CRYBG3: variants seen among roughly 807,000 people sequenced by gnomAD.
The protein encoded by CRYBG3 is very large A-kinase anchor protein.
Under a neutral mutation model 244.2 loss-of-function variants are expected in CRYBG3, and 127 were observed. The observed-to-expected ratio is 0.52, with a 90% CI of 0.45 to 0.60. The LOEUF is 0.60. Among genes scored for constraint, CRYBG3 ranks in the 20% least tolerant of loss-of-function variants. CRYBG3 has a pLI of 0.00. For synonymous variants in CRYBG3, 1,132 were observed against 1,195.8 expected (o/e 0.95, Z 1.10); for missense variants, 3,325 against 3,442.5 (o/e 0.97, Z 0.85).
At chr3:97,863,565 T>C (rs1253396435) in intron 2 of CRYBG3, among the ~76,000 whole-genome samples, 2 of 152,096 alleles carry the variant, frequency 1.3e-5, no homozygotes, top group Non-Finnish European at 2.9e-5. Context: ...AGTACCATGT[T>C]ACTGTCTTTT....
chr3:97,890,826 G>A (rs1394259914), intron 10 of CRYBG3, among the ~76,000 whole-genome samples: 1 of 152,092 alleles, frequency 6.6e-6, no homozygotes, highest in Non-Finnish European at 1.5e-5. Context: ...GTGGATAAAT[G>A]CTGTTATCAC....
At chr3:97,826,409 T>G (rs565089373) in intron 1 of CRYBG3, among the ~76,000 whole-genome samples, 1 of 152,280 alleles carries the variant, frequency 6.6e-6, no homozygotes, top group East Asian at 1.9e-4. Flanking sequence ...CATTTTTAAG[T>G]TTTTTTACTC....
At position 97,822,156 on chromosome 3, in the gene CRYBG3, C is replaced by T; in HGVS notation, c.-51C>T. The T allele has an allele frequency of 3.4e-6, 5 of 1,452,932 alleles. No homozygotes were observed. Among genetic ancestry groups the T allele is most frequent in the Non-Finnish European group, 4.5e-6 (5 of 1,105,586 alleles). 90.0% of individuals were successfully genotyped at this position (1,452,932 alleles called of 1,614,324 possible). A position where few individuals can be genotyped will look rare whatever the true frequency, so the allele number is the denominator to read the frequency against. ...CGGTCGGGCTCCGGGCACCAGGCAA[C>T]ACCTAGGCCGTTCCCTTCAGACAGC... is the stretch of plus-strand genomic sequence containing the variant. On this transcript the variant is annotated 5_prime_UTR_variant, in exon 1 of 22. Coordinates refer to ENST00000389622, the MANE Select transcript of CRYBG3 (RefSeq NM_153605.4).
chr3:97,880,985 T>A, intron 6 of CRYBG3, 87 bp from the exon 7 acceptor site: 1 of 1,100,536 alleles, frequency 9.1e-7, no homozygotes, highest in Non-Finnish European at 1.2e-6. Context: ...GCTTAAAAAA[T>A]TTAAGTAGAC....
chr3:97,873,639 A>G lies in CRYBG3; in HGVS notation c.2445A>G (p.Lys815=). Residue 815 remains lysine, a synonymous_variant, in exon 4 of 22, where the codon AAA becomes AAG. Coordinates refer to ENST00000389622, the MANE Select transcript of CRYBG3 (RefSeq NM_153605.4). ...LEAKTANIVS[K]AEIDGQNNVL... ...CCAAAACTGCTAACATTGTATCAAAAGCTGAAATTGATGGTCAGAACAATG... is the reference window on the plus strand; with the variant it reads ...CCAAAACTGCTAACATTGTATCAAAGGCTGAAATTGATGGTCAGAACAATG... 6.5e-7 allele frequency: 1 copy of G among 1,534,710 alleles called. No individual in the cohort carries two copies. Among genetic ancestry groups the G allele is most frequent in the Non-Finnish European group, 8.7e-7 (1 of 1,146,358 alleles).
At chr3:97,901,574 T>C (rs1208651224) in intron 15 of CRYBG3, among the ~76,000 whole-genome samples, 2 of 152,226 alleles carry the variant, frequency 1.3e-5, no homozygotes, top group African/African-American at 4.8e-5. Context: ...TCCTGCCAGA[T>C]TTTTATGTTG....
At chr3:97,870,828 A>C (rs1289030737) in intron 3 of CRYBG3, among the ~76,000 whole-genome samples, 1 of 152,226 alleles carries the variant, frequency 6.6e-6, no homozygotes, top group Non-Finnish European at 1.5e-5. Flanking sequence ...ATTAGGACAC[A>C]GTACCTTCCC....
chr3:97,875,021 A>C lies in CRYBG3; in HGVS notation c.3827A>C (p.Lys1276Thr). ...GMENMSEVKEKPCVSPTVGEK... is the reference protein window; with the variant it reads ...GMENMSEVKETPCVSPTVGEK... ...GAAAACATGTCAGAAGTCAAAGAGAAGCCCTGTGTTTCACCAACAGTTGGT... is the reference window on the plus strand; with the variant it reads ...GAAAACATGTCAGAAGTCAAAGAGACGCCCTGTGTTTCACCAACAGTTGGT... Residue 1276 changes from lysine to threonine, a missense_variant, in exon 4 of 22, where the codon AAG becomes ACG. Physicochemically the swap from Lys to Thr is moderately conservative, Grantham distance 78 (BLOSUM62 -1). Around this residue, in one of 4 missense-constraint regions of CRYBG3, gnomAD observed 635 missense variants for 771.7 expected, o/e 0.82. Transcript: ENST00000389622. 6.5e-7 allele frequency: 1 copy of C among 1,535,772 alleles called. No individual in the cohort carries two copies. Among genetic ancestry groups the C allele is most frequent in the Non-Finnish European group, 8.7e-7 (1 of 1,146,766 alleles).
In CRYBG3 at chr3:97,915,891, T is replaced by C. The variant is rs182007110; in HGVS notation, c.8241+155T>C. 2.1e-4 allele frequency among the ~76,000 whole-genome samples: 32 copies of C among 152,084 alleles called. No homozygotes were observed. The East Asian group carries it at 6.0e-3, about 29-fold the overall frequency. ...TCATTTGTCAATCGTAAAACTGAGG[T>C]TCATTCATGAACTCCAACAAAAATG... On this transcript the variant is annotated intron_variant, in intron 17 of 21. Transcript: ENST00000389622.
chr3:97,877,648 G>A lies in CRYBG3; in HGVS notation c.6454G>A (p.Glu2152Lys). ...DREAADEEEE[E>K]EEAAVLHKGD... ...AGAGGCAGCTGATGAGGAAGAAGAG[G>A]AGGAGGAGGCAGCAGTATTGCATAA... The change falls in exon 4 of 22, where the codon GAG (glutamate) becomes AAG (lysine). Residue 2152 changes from glutamate (E) to lysine (K), a missense_variant. Glu to Lys is a moderately conservative substitution (Grantham distance 56). Around this residue, in one of 4 missense-constraint regions of CRYBG3, gnomAD observed 450 missense variants for 424.1 expected, o/e 1.06. Transcript: ENST00000389622. The A allele has an allele frequency of 1.2e-6, 2 of 1,614,144 alleles. No individual in the cohort carries two copies. Among genetic ancestry groups the A allele is most frequent in the South Asian group, 2.2e-5 (2 of 91,080 alleles).
intron 2 of CRYBG3, among the ~76,000 whole-genome samples, chr3:97,845,444 C>T (rs1576516781): frequency 1.3e-5 from 2 of 152,206 alleles, no homozygotes; most frequent in Admixed American, 6.5e-5. Context: ...TCGGCGGCTA[C>T]TTCTAACATT....
At chr3:97,841,863 C>A (rs1423079820) in intron 1 of CRYBG3, among the ~76,000 whole-genome samples, 2 of 152,248 alleles carry the variant, frequency 1.3e-5, no homozygotes, top group East Asian at 3.9e-4. Context: ...TTACCTCTGT[C>A]CTTCGCAAGC....
chr3:97,918,811 C>G (rs1295616761), intron 17 of CRYBG3, among the ~76,000 whole-genome samples: 1 of 152,178 alleles, frequency 6.6e-6, no homozygotes, highest in Non-Finnish European at 1.5e-5. Context: ...GGGGACATGA[C>G]TATTTTCATG....
intron 2 of CRYBG3, among the ~76,000 whole-genome samples, chr3:97,844,080 AT>A (rs2038862378): frequency 6.6e-6 from 1 of 152,204 alleles, no homozygotes; most frequent in South Asian, 2.1e-4. Flanking sequence ...ACTTTTTAAT[AT>A]TTTTAAAAAC....
rs2108220541 is a variant in CRYBG3 at position 97,877,795 on chromosome 3, A to G, written c.6601A>G (p.Asn2201Asp). The G allele has an allele frequency of 1.9e-6, 3 of 1,614,078 alleles. No individual in the cohort carries two copies. Among genetic ancestry groups the G allele is most frequent in the South Asian group, 1.1e-5 (1 of 91,078 alleles). Residue 2201 changes from asparagine (N) to aspartate (D), a missense_variant, in exon 4 of 22, where the codon AAT (asparagine) becomes GAT (aspartate). By Grantham distance (23) the Asn-to-Asp change is conservative. Coordinates refer to ENST00000389622, the MANE Select transcript of CRYBG3 (RefSeq NM_153605.4). ...GISKNSYVMP[N>D]EPTTSNLQVG... The stretch of plus-strand genomic sequence containing the variant: ...TTCTAAGAATTCATATGTGATGCCA[A>G]ATGAACCTACTACCTCCAATCTGCA...
At chr3:97,914,083 ATTAACCC>A (rs1182896721) in intron 16 of CRYBG3, among the ~76,000 whole-genome samples, 2 of 152,150 alleles carry the variant, frequency 1.3e-5, no homozygotes, top group East Asian at 3.8e-4. Context: ...CACCTTCTTG[ATTAACCC>A]TAAATCAAGC....
chr3:97,887,305 A>G (rs115709810), intron 8 of CRYBG3, among the ~76,000 whole-genome samples: 196 of 152,340 alleles, frequency 1.3e-3, no homozygotes, highest in African/African-American at 4.4e-3. Context: ...GTTCATTCCC[A>G]GATTGACTTG....
Position 97,877,591 on chromosome 3 carries a change from C to T in CRYBG3, c.6397C>T (p.Arg2133Cys), listed in dbSNP as rs577773946. ...ATCCCTTCTCCAGTCAGTGTCAGAA[C>T]GTTTAAAGATGAATTTTGATGAAGA... is the stretch of plus-strand genomic sequence containing the variant. Reference protein sequence around the residue: ...VLSLLQSVSERLKMNFDEDDR... With the variant: ...VLSLLQSVSECLKMNFDEDDR... Residue 2133 changes from arginine (R) to cysteine (C), a missense_variant, in exon 4 of 22, where the codon CGT becomes TGT. Physicochemically the swap from Arg to Cys is radical, Grantham distance 180 (BLOSUM62 -3). Coordinates refer to ENST00000389622, the MANE Select transcript of CRYBG3 (RefSeq NM_153605.4). 2.8e-5 allele frequency: 45 copies of T among 1,613,860 alleles called. No individual in the cohort carries two copies. Among genetic ancestry groups the T allele is most frequent in the South Asian group, 1.6e-4 (15 of 91,068 alleles).
intron 17 of CRYBG3, among the ~76,000 whole-genome samples, chr3:97,920,180 C>T (rs937769922): frequency 6.6e-6 from 1 of 152,136 alleles, no homozygotes; most frequent in African/African-American, 2.4e-5. Context: ...TTACTAAATA[C>T]TGTGCTAAGT....
Sources: allele counts gnomAD v4.1 joint callset (sites outside exome capture counted in the v4.1 genomes callset), GRCh38; gene constraint gnomAD v4.1.1; regional missense constraint gnomAD v4.1.1; transcripts MANE v1.5; gene names NCBI Gene and HGNC (gene_info 2026-07-23, HGNC 2026-07-21).